The following TEC variants were observed in gnomAD, a reference collection of about 807,000 sequenced individuals.
TEC encodes the protein tec protein tyrosine kinase, also known as tyrosine-protein kinase Tec.
Under a neutral mutation model 93.0 loss-of-function variants are expected in TEC, and 72 were observed. The observed-to-expected ratio is 0.77, with a 90% CI of 0.64 to 0.94. The LOEUF is 0.94. TEC is among the 40% of genes least tolerant of loss of function. The pLI is 0.00. For missense variants in TEC, 630 were observed against 757.9 expected, an observed-to-expected ratio of 0.83 and a Z score of 1.98; for synonymous variants, 249 against 247.7, an observed-to-expected ratio of 1.01 and a Z score of -0.05.
intron 2 of TEC, among the ~76,000 whole-genome samples, chr4:48,205,214 C>A (rs1277445136): frequency 6.6e-6 from 1 of 152,168 alleles, no homozygotes; most frequent in East Asian, 1.9e-4. Context: ...GTGAATGGCA[C>A]CCTCTAGGGT....
chr4:48,225,944 G>T (rs927644061), intron 2 of TEC, among the ~76,000 whole-genome samples: 24 of 152,060 alleles, frequency 1.6e-4, no homozygotes, highest in African/African-American at 5.6e-4. Context: ...AAAGGAGGTG[G>T]ATTCTGCCAG....
At chr4:48,239,028 T>C (rs1181577682) in intron 1 of TEC, among the ~76,000 whole-genome samples, 2 of 152,192 alleles carry the variant, frequency 1.3e-5, no homozygotes, top group Non-Finnish European at 2.9e-5. Flanking sequence ...TTCTATCTTA[T>C]TTTAGAAATT....
rs116759550 is a variant in TEC, at chr4:48,175,374, G to A, written c.243+708C>T. Among the ~76,000 whole-genome samples the A allele has an allele frequency of 1.5e-3, 232 of 152,298 alleles. 1 individual carries two copies. The highest frequency in any genetic ancestry group is 5.4e-3 in the African/African-American group (224 of 41,550). On this transcript the variant is annotated intron_variant, in intron 3 of 17. Coordinates refer to ENST00000381501, the MANE Select transcript of TEC (RefSeq NM_003215.3). ...GAGACCACAGCCATGGGTAAAAGGC[G>A]ACTTTCACTAGGGACATTCACTGCT...
intron 1 of TEC, among the ~76,000 whole-genome samples, chr4:48,256,144 T>A (rs1724335080): frequency 6.6e-6 from 1 of 151,538 alleles, no homozygotes. Context: ...GGAGGAGAGG[T>A]TGACTGAGGC....
chr4:48,249,448 G>A (rs1412239208), intron 1 of TEC, among the ~76,000 whole-genome samples: 1 of 152,214 alleles, frequency 6.6e-6, no homozygotes, highest in Non-Finnish European at 1.5e-5. Flanking sequence ...GTATGTGACA[G>A]AAATGTAAAT....
chr4:48,172,774 C>T (rs4695345), intron 3 of TEC, among the ~76,000 whole-genome samples: 20,047 of 152,046 alleles, frequency 0.13, 1,547 homozygotes, highest in East Asian at 0.35. Context: ...GATATCAGAG[C>T]GATAAAGTGC....
At chr4:48,206,510 G>A (rs1247441540) in intron 2 of TEC, among the ~76,000 whole-genome samples, 4 of 152,162 alleles carry the variant, frequency 2.6e-5, no homozygotes, top group African/African-American at 7.2e-5. Context: ...TAGGTATTTC[G>A]ATAGAGACTA....
intron 2 of TEC, among the ~76,000 whole-genome samples, chr4:48,193,204 C>T (rs182443689): frequency 1.3e-5 from 2 of 151,412 alleles, no homozygotes; most frequent in Admixed American, 1.3e-4. Flanking sequence ...CTACATTGCC[C>T]AGACTGAACT....
At chr4:48,151,127 T>C (rs1182831461) in intron 9 of TEC, among the ~76,000 whole-genome samples, 185 bp from the exon 10 acceptor site, 1 of 152,178 alleles carries the variant, frequency 6.6e-6, no homozygotes, top group Non-Finnish European at 1.5e-5. Flanking sequence ...ACTTTGTACT[T>C]CAAATTACTG....
chr4:48,248,706 C>T lies in TEC; in HGVS notation c.-45-20047G>A, dbSNP rs17609235. Among the ~76,000 whole-genome samples the T allele has an allele frequency of 1.2e-3, 182 of 152,300 alleles. 2 individuals carry two copies. In the East Asian group the frequency reaches 0.03, roughly 25 times the overall value. ...AAATCACATTGAGCACTGTGAGATG[C>T]TCATGGATATCCTCTGCAGACTCAG... On this transcript the variant is annotated intron_variant, in intron 1 of 17. Coordinates refer to ENST00000381501, the MANE Select transcript of TEC (RefSeq NM_003215.3).
At chr4:48,256,382 G>A (rs1200951350) in intron 1 of TEC, among the ~76,000 whole-genome samples, 4 of 151,058 alleles carry the variant, frequency 2.6e-5, no homozygotes, top group Admixed American at 1.3e-4. Context: ...CTAGGAGTTC[G>A]AGACCAGTTT....
At chr4:48,219,860 T>C (rs1162901684) in intron 2 of TEC, among the ~76,000 whole-genome samples, 1 of 152,108 alleles carries the variant, frequency 6.6e-6, no homozygotes, top group Admixed American at 6.5e-5. Flanking sequence ...CTTTATCTCT[T>C]TGTCTTGTGC....
chr4:48,136,385 T>A lies in TEC; in HGVS notation c.*1031A>T, dbSNP rs1719420080. On this transcript the variant is annotated 3_prime_UTR_variant, in exon 18 of 18. Transcript: ENST00000381501. ...AGCTTCCTGGATCCTCCGCCACAGC[T>A]CAGGCTGCTTCCGGGTCCTATGTGA... is the stretch of plus-strand genomic sequence containing the variant. The A allele has an allele frequency of 6.6e-6, 1 of 152,244 alleles. No homozygotes were observed. The allele number at this position is 152,244 out of a possible 1,614,324, so 9.4% of individuals were successfully genotyped here. A position where few individuals can be genotyped will look rare whatever the true frequency, so the allele number is the denominator to read the frequency against.
chr4:48,200,567 T>C (rs1722468818), intron 2 of TEC, among the ~76,000 whole-genome samples: 1 of 152,162 alleles, frequency 6.6e-6, no homozygotes, highest in African/African-American at 2.4e-5. Flanking sequence ...TTCCCACTAA[T>C]AATGGAACCC....
chr4:48,145,285 G>T lies in TEC; in HGVS notation c.1264C>A (p.His422Asn). 1 of 1,614,164 alleles carries T rather than the reference G, an allele frequency of 6.2e-7. No homozygotes were observed. Among genetic ancestry groups the T allele is most frequent in the Non-Finnish European group, 8.5e-7 (1 of 1,180,022 alleles). Residue 422 changes from histidine (H) to asparagine (N), a missense_variant, in exon 14 of 18, where the codon CAC becomes AAC. Physicochemically the swap from His to Asn is moderately conservative, Grantham distance 68. Transcript: ENST00000381501. ...CCATAAAGCTGCACTAACTTCGGGT[G>T]TGTCAGTTTCCTGGGAAGGAAGACA... Reference protein sequence around the residue: ...EEAKVMMKLTHPKLVQLYGVC... With the variant: ...EEAKVMMKLTNPKLVQLYGVC...
chr4:48,145,000 A>C, intron 14 of TEC, 79 bp downstream of exon 14: 1 of 1,339,914 alleles, frequency 7.5e-7, no homozygotes, highest in Non-Finnish European at 1.1e-6. Flanking sequence ...TTGGCTATTA[A>C]TACATCATTG....
chr4:48,173,565 C>A (rs955132308), intron 3 of TEC, among the ~76,000 whole-genome samples: 1 of 152,146 alleles, frequency 6.6e-6, no homozygotes, highest in Non-Finnish European at 1.5e-5. Context: ...GTCATCCTAC[C>A]ACAGCAGAGG....
Position 48,145,242 on chromosome 4 carries a change from T to C in TEC, c.1307A>G (p.Lys436Arg). ...VQLYGVCTQQKPIYIVTEFME... is the reference protein window; with the variant it reads ...VQLYGVCTQQRPIYIVTEFME... The stretch of plus-strand genomic sequence containing the variant: ...GAACTCAGTAACAATGTATATTGGT[T>C]TCTGCTGGGTGCACACACCATAAAG... Residue 436 changes from lysine to arginine, a missense_variant, in exon 14 of 18, where the codon AAA becomes AGA. Lys to Arg is a conservative substitution (Grantham distance 26, BLOSUM62 2). Coordinates refer to ENST00000381501, the MANE Select transcript of TEC (RefSeq NM_003215.3). 1 of 1,614,162 alleles carries C rather than the reference T, an allele frequency of 6.2e-7. No homozygotes were observed. The highest frequency in any genetic ancestry group is 8.5e-7 in the Non-Finnish European group (1 of 1,180,026).
intron 1 of TEC, among the ~76,000 whole-genome samples, chr4:48,260,379 T>C (rs1724470158): frequency 6.6e-6 from 1 of 151,872 alleles, no homozygotes. Context: ...AGGCCAGGAG[T>C]TCAAGACCAA....
Sources: gnomAD v4.1 joint callset for allele counts (sites outside exome capture counted in the v4.1 genomes callset) on GRCh38, gnomAD v4.1.1 for gene constraint, MANE v1.5 for transcripts, NCBI Gene and HGNC (gene_info 2026-07-23, HGNC 2026-07-21) for gene names.